CIP2A: variants seen among roughly 807,000 people sequenced by gnomAD.
CIP2A encodes protein CIP2A.
A neutral mutation model predicts 110.9 loss-of-function variants in CIP2A; 103 were observed. The ratio of observed to expected loss-of-function variants is 0.93; its 90% CI spans 0.79 to 1.09. The LOEUF is 1.09. Among genes scored for constraint, CIP2A ranks in the 50% least tolerant of loss-of-function variants. CIP2A has a pLI of 0.00. For missense variants in CIP2A, 1,088 were observed against 1,038.4 expected, an observed-to-expected ratio of 1.05 and a Z score of -0.66; for synonymous variants, 381 against 361.6, an observed-to-expected ratio of 1.05 and a Z score of -0.61.
chr3:108,557,081 G>GT, intron 17 of CIP2A, 137 bp downstream of exon 17: 1 of 500,980 alleles, frequency 2.0e-6, no homozygotes, highest in South Asian at 5.1e-5. Context: ...AATGACTTAA[G>GT]TTTCTTGCTA....
intron 8 of CIP2A, among the ~76,000 whole-genome samples, chr3:108,575,402 A>T (rs934180395): frequency 9.0e-5 from 13 of 143,718 alleles, no homozygotes; most frequent in African/African-American, 2.9e-4. Flanking sequence ...ATATGTTCAC[A>T]TGTGTATGTA....
Position 108,585,051 on chromosome 3 carries a change from A to C in CIP2A, c.250+14T>G. On this transcript the variant is annotated intron_variant, in intron 2 of 20. Transcript: ENST00000295746. ...ATCTTCCAAAAACTAAAAAGGAGAA[A>C]TTAAATGCATTACCTAGTTGAGACA... 1 of 1,596,458 alleles carries C rather than the reference A, an allele frequency of 6.3e-7. No homozygotes were observed. The highest frequency in any genetic ancestry group is 1.8e-5 in the Admixed American group (1 of 56,340).
At chr3:108,552,613 G>T (rs1559687014) in intron 19 of CIP2A, among the ~76,000 whole-genome samples, 1 of 152,070 alleles carries the variant, frequency 6.6e-6, no homozygotes, top group East Asian at 1.9e-4. Flanking sequence ...GTTAGAAAAG[G>T]GAGAGCTACA....
rs771177116 is a variant in CIP2A, at chr3:108,579,415, A to G, written c.684T>C (p.Ala228=). 13 of 1,607,998 alleles carry G rather than the reference A, an allele frequency of 8.1e-6. No homozygotes were observed. The South Asian group carries it at 1.3e-4, about 16-fold the overall frequency. ...NEEVGEKLFH[A]RNIHQTFQLI... The stretch of plus-strand genomic sequence containing the variant: ...GTTGAAAAGTCTGATGAATGTTTCG[A>G]GCATGGAATAGCTTAAGGACAAATT... Residue 228 remains alanine (A), a synonymous_variant, in exon 7 of 21, where the codon GCT becomes GCC. Coordinates refer to ENST00000295746, the MANE Select transcript of CIP2A (RefSeq NM_020890.3).
At chr3:108,560,905 T>G in intron 13 of CIP2A, 64 bp from the exon 14 acceptor site, 1 of 1,173,992 alleles carries the variant, frequency 8.5e-7, no homozygotes, top group Non-Finnish European at 1.2e-6. Context: ...GCAGACTTAG[T>G]GCAGAATTAG....
chr3:108,554,461 C>A lies in CIP2A; in HGVS notation c.2239G>T (p.Asp747Tyr), dbSNP rs767573515. 2 of 1,506,844 alleles carry A rather than the reference C, an allele frequency of 1.3e-6. No individual in the cohort carries two copies. The highest frequency in any genetic ancestry group is 3.6e-5 in the Admixed American group (2 of 55,358). 93.3% of individuals were successfully genotyped at this position (1,506,844 alleles called of 1,614,324 possible). A position where few individuals can be genotyped will look rare whatever the true frequency, so the allele number is the denominator to read the frequency against. ...RNESTEKKNK[D>Y]LQITCDSLNK... ...AGAGAATCACATGTGATCTGTAAAT[C>A]TTTATTCTTCTTTTCAGTACTTTCA... The change falls in exon 18 of 21, where the codon GAT becomes TAT. Residue 747 changes from aspartate to tyrosine, a missense_variant. Coordinates refer to ENST00000295746, the MANE Select transcript of CIP2A (RefSeq NM_020890.3).
chr3:108,560,762 A>C lies in CIP2A; in HGVS notation c.1714T>G (p.Ser572Ala), dbSNP rs34172460. Reference protein sequence around the residue: ...EHIPRKMPWQSSNHSFPTSIK... With the variant: ...EHIPRKMPWQASNHSFPTSIK... Reference sequence around the variant, plus strand: ...GATGTTGGAAAACTGTGATTTGATGATTGCCAGGGCATTTTTCTGGGTATA... The same window carrying C: ...GATGTTGGAAAACTGTGATTTGATGCTTGCCAGGGCATTTTTCTGGGTATA... Residue 572 changes from serine to alanine, a missense_variant, in exon 14 of 21, where the codon TCA (serine) becomes GCA (alanine). By Grantham distance (99) the Ser-to-Ala change is moderately conservative (BLOSUM62 1). Transcript: ENST00000295746. 8.0e-3 allele frequency: 12,850 copies of C among 1,612,848 alleles called. 943 individuals are homozygous for C. In the African/African-American group the frequency reaches 0.15, roughly 19 times the overall value.
At position 108,581,453 on chromosome 3, in the gene CIP2A, G is replaced by A. The variant is rs756300077; in HGVS notation, c.511C>T (p.Arg171Trp). 21 of 1,612,708 alleles carry A rather than the reference G, an allele frequency of 1.3e-5. No homozygotes were observed. The highest frequency in any genetic ancestry group is 1.6e-4 in the Middle Eastern group (1 of 6,076). ...TGCGTTTGAACAGAAAGATTGTGCC[G>A]ACAAAGATTTGCCAATAATCCTAGA... ...PCLGLLANLC[R>W]HNLSVQTHIK... The change falls in exon 5 of 21, where the codon CGG (arginine) becomes TGG (tryptophan). Residue 171 changes from arginine to tryptophan, a missense_variant. Physicochemically the swap from Arg to Trp is moderately radical, Grantham distance 101. Coordinates refer to ENST00000295746, the MANE Select transcript of CIP2A (RefSeq NM_020890.3).
chr3:108,553,666 T>C lies in CIP2A; in HGVS notation c.2389A>G (p.Arg797Gly). Residue 797 changes from arginine (R) to glycine (G), a missense_variant, in exon 19 of 21, where the codon AGA becomes GGA. By Grantham distance (125) the Arg-to-Gly change is moderately radical. Transcript: ENST00000295746. ...CACTTACTTGCTAGCTTATGTTCTC[T>C]GTCTACTAGCTGATTCTGTACTTCT... is the stretch of plus-strand genomic sequence containing the variant. ...RKEVQNQLVD[R>G]EHKLANLHQK... 6.5e-7 allele frequency: 1 copy of C among 1,539,646 alleles called. No homozygotes were observed. Among genetic ancestry groups the C allele is most frequent in the Non-Finnish European group, 9.0e-7 (1 of 1,114,348 alleles).
chr3:108,584,789 G>T, intron 2 of CIP2A: 1 of 270,618 alleles, frequency 3.7e-6, no homozygotes, highest in Non-Finnish European at 6.9e-6. Context: ...ACCACTAAAT[G>T]AACATTTAAG....
Position 108,582,108 on chromosome 3 carries a change from A to C in CIP2A, c.452T>G (p.Ile151Ser). 1 of 1,371,580 alleles carries C rather than the reference A, an allele frequency of 7.3e-7. No individual in the cohort carries two copies. The highest frequency in any genetic ancestry group is 1.3e-5 in the South Asian group (1 of 74,918). 85.0% of individuals were successfully genotyped at this position (1,371,580 alleles called of 1,614,324 possible). A position where few individuals can be genotyped will look rare whatever the true frequency, so the allele number is the denominator to read the frequency against. ...DELITFLIDH[I>S]QSSEDELKMP... Reference sequence around the variant, plus strand: ...GTTTTATGTTTGATTGCATACTCACATGTGATCTATCAGGAACGTAATTAA... The same window carrying C: ...GTTTTATGTTTGATTGCATACTCACCTGTGATCTATCAGGAACGTAATTAA... Residue 151 changes from isoleucine to serine, a missense_variant and splice_region_variant, in exon 4 of 21, where the codon ATT becomes AGT. Ile to Ser is a moderately radical substitution (Grantham distance 142, BLOSUM62 -2). Coordinates refer to ENST00000295746, the MANE Select transcript of CIP2A (RefSeq NM_020890.3).
At chr3:108,572,080 A>T (rs539118897) in intron 8 of CIP2A, among the ~76,000 whole-genome samples, 2 of 152,076 alleles carry the variant, frequency 1.3e-5, no homozygotes. Context: ...GAAAAATAAT[A>T]TATTTTGGAT....
At chr3:108,553,910 A>AAAG (rs1391772605) in intron 18 of CIP2A, among the ~76,000 whole-genome samples, 180 bp from the exon 19 acceptor site, 1 of 133,240 alleles carries the variant, frequency 7.5e-6, no homozygotes, top group Non-Finnish European at 1.7e-5. Context: ...AAAAAAAAAA[A>AAAG]AAAAAAAAAG....
intron 20 of CIP2A, among the ~76,000 whole-genome samples, chr3:108,551,690 T>C: frequency 6.6e-6 from 1 of 152,094 alleles, no homozygotes; most frequent in Admixed American, 6.6e-5. Flanking sequence ...TCAGTAGTAG[T>C]AGTAGATCAG....
chr3:108,572,426 C>T (rs904169064), intron 8 of CIP2A, among the ~76,000 whole-genome samples: 1 of 151,968 alleles, frequency 6.6e-6, no homozygotes, highest in East Asian at 1.9e-4. Flanking sequence ...ATTCAATTGA[C>T]CCAGCGTCAT....
Position 108,554,456 on chromosome 3 carries a change from T to C in CIP2A, c.2244A>G (p.Leu748=), listed in dbSNP as rs757430605. The C allele has an allele frequency of 4.6e-6, 7 of 1,530,196 alleles. No homozygotes were observed. The Admixed American group carries it at 1.1e-4, about 23-fold the overall frequency. 94.8% of individuals were successfully genotyped at this position (1,530,196 alleles called of 1,614,324 possible). Residue 748 remains leucine, a synonymous_variant, in exon 18 of 21, where the codon TTA becomes TTG. Coordinates refer to ENST00000295746, the MANE Select transcript of CIP2A (RefSeq NM_020890.3). ...NESTEKKNKD[L]QITCDSLNKQ... ...TATTCAGAGAATCACATGTGATCTG[T>C]AAATCTTTATTCTTCTTTTCAGTAC...
At chr3:108,568,991 T>C (rs1412163728) in intron 9 of CIP2A, among the ~76,000 whole-genome samples, 1 of 151,200 alleles carries the variant, frequency 6.6e-6, no homozygotes, top group East Asian at 2.0e-4. Context: ...TTATCTGGCA[T>C]GCTCTACTCC....
At chr3:108,581,988 G>T in intron 4 of CIP2A, 120 bp downstream of exon 4, 1 of 471,660 alleles carries the variant, frequency 2.1e-6, no homozygotes. Flanking sequence ...AATAAGAATC[G>T]GAGTCTCACT....
At chr3:108,569,168 C>CTCTATATATATATATATATATATATATA (rs1553694601) in intron 9 of CIP2A, among the ~76,000 whole-genome samples, 1 of 11,084 alleles carries the variant, frequency 9.0e-5, no homozygotes, top group African/African-American at 2.1e-4. Flanking sequence ...GAAATGAGCA[C>CTCTATATATATATATATATATATATATA]TATATATATA....
Sources: gnomAD v4.1 joint callset for allele counts (sites outside exome capture counted in the v4.1 genomes callset) on GRCh38, gnomAD v4.1.1 for gene constraint, MANE v1.5 for transcripts, NCBI Gene and HGNC (gene_info 2026-07-23, HGNC 2026-07-21) for gene names.